Variants in LOC128125817 observed in about 807,000 individuals in gnomAD.
the LOC128125817 span, among the ~76,000 whole-genome samples, chr1:41,602,235 T>C: frequency 6.6e-6 from 1 of 152,318 alleles, no homozygotes; most frequent in Admixed American, 6.5e-5. Flanking sequence ...TTAGCTTTTG[T>C]ATCAGAGTAA....
the LOC128125817 span, among the ~76,000 whole-genome samples, chr1:41,607,723 A>T: frequency 2.6e-5 from 4 of 152,304 alleles, no homozygotes; most frequent in African/African-American, 9.6e-5. Flanking sequence ...GATATGTATT[A>T]GGATACAGGT....
chr1:41,618,307 T>C, the LOC128125817 span, among the ~76,000 whole-genome samples: 1 of 152,134 alleles, frequency 6.6e-6, no homozygotes, highest in Non-Finnish European at 1.5e-5. Context: ...GGAGGTTAAC[T>C]CTCCCCAGGC....
the LOC128125817 span, among the ~76,000 whole-genome samples, chr1:41,603,794 T>C: frequency 1.3e-5 from 2 of 152,266 alleles, no homozygotes; most frequent in South Asian, 4.1e-4. Flanking sequence ...GAATGTGTAT[T>C]CTGCTGCTAT....
chr1:41,625,076 T>C, the LOC128125817 span, among the ~76,000 whole-genome samples: 2 of 134,588 alleles, frequency 1.5e-5, no homozygotes, highest in African/African-American at 5.6e-5. Flanking sequence ...GGCAGGAAAA[T>C]AGCTTGAACC....
chr1:41,593,728 C>T, the LOC128125817 span, among the ~76,000 whole-genome samples: 1 of 152,226 alleles, frequency 6.6e-6, no homozygotes, highest in Non-Finnish European at 1.5e-5. Context: ...TATTTGGTTC[C>T]CATTGCTGCT....
chr1:41,606,223 G>T, the LOC128125817 span, among the ~76,000 whole-genome samples: 2 of 151,790 alleles, frequency 1.3e-5, no homozygotes, highest in Non-Finnish European at 2.9e-5. Context: ...TCTGGCAGTT[G>T]CTTTTAGCAT....
chr1:41,601,572 C>T, the LOC128125817 span, among the ~76,000 whole-genome samples: 1 of 152,070 alleles, frequency 6.6e-6, no homozygotes, highest in African/African-American at 2.4e-5. Context: ...TATAGAAATG[C>T]CACTGATTTT....
At chr1:41,600,988 T>C in the LOC128125817 span, among the ~76,000 whole-genome samples, 1 of 152,198 alleles carries the variant, frequency 6.6e-6, no homozygotes, top group Admixed American at 6.5e-5. Flanking sequence ...TATCCAGTTT[T>C]CCCAGCACCA....
At chr1:41,609,851 G>C in the LOC128125817 span, among the ~76,000 whole-genome samples, 3 of 152,250 alleles carry the variant, frequency 2.0e-5, no homozygotes, top group Non-Finnish European at 4.4e-5. Flanking sequence ...CTATGCCATA[G>C]GCCAAGACGC....
chr1:41,586,844 A>G, the LOC128125817 span, among the ~76,000 whole-genome samples: 1 of 152,324 alleles, frequency 6.6e-6, no homozygotes, highest in East Asian at 1.9e-4. Flanking sequence ...CAAAGTAACT[A>G]TAACAAAACC....
the LOC128125817 span, among the ~76,000 whole-genome samples, chr1:41,605,708 C>T: frequency 6.6e-6 from 1 of 151,812 alleles, no homozygotes. Context: ...AACAGGATCT[C>T]ACCGAGCAGA....
chr1:41,606,796 C>T, the LOC128125817 span, among the ~76,000 whole-genome samples: 2 of 151,800 alleles, frequency 1.3e-5, no homozygotes, highest in Non-Finnish European at 2.9e-5. Flanking sequence ...AAGTACTCCA[C>T]TGTACTGGAG....
At chr1:41,593,905 A>C in the LOC128125817 span, among the ~76,000 whole-genome samples, 1 of 152,146 alleles carries the variant, frequency 6.6e-6, no homozygotes, top group East Asian at 1.9e-4. Context: ...GCCTTTCCCA[A>C]CTTCTAGAGG....
chr1:41,628,232 C>A, the LOC128125817 span, among the ~76,000 whole-genome samples: 1 of 152,156 alleles, frequency 6.6e-6, no homozygotes, highest in Non-Finnish European at 1.5e-5. Flanking sequence ...TTCTTCACAA[C>A]TTGGGGGCAG....
At chr1:41,590,213 G>C in the LOC128125817 span, among the ~76,000 whole-genome samples, 1 of 152,228 alleles carries the variant, frequency 6.6e-6, no homozygotes, top group South Asian at 2.1e-4. Context: ...GTCACAGAAG[G>C]ATGTCTGGGC....
chr1:41,610,123 C>T, the LOC128125817 span, among the ~76,000 whole-genome samples: 1 of 152,212 alleles, frequency 6.6e-6, no homozygotes, highest in Non-Finnish European at 1.5e-5. Flanking sequence ...CTTGAAAAGC[C>T]TCCACAACTG....
At chr1:41,616,617 A>G in the LOC128125817 span, among the ~76,000 whole-genome samples, 64 of 87,706 alleles carry the variant, frequency 7.3e-4, no homozygotes, top group Admixed American at 1.0e-3. Context: ...GAAGATGGGG[A>G]GCCTTTTTTT....
At chr1:41,591,978 A>C in the LOC128125817 span, among the ~76,000 whole-genome samples, 1 of 152,068 alleles carries the variant, frequency 6.6e-6, no homozygotes, top group Admixed American at 6.5e-5. Context: ...CCTCCTGAAG[A>C]GCAGGTGCTG....
At chr1:41,626,291 C>T in the LOC128125817 span, among the ~76,000 whole-genome samples, 1 of 152,222 alleles carries the variant, frequency 6.6e-6, no homozygotes, top group Non-Finnish European at 1.5e-5. Context: ...CAGCAGTGGC[C>T]GTGATCACCT....
Sources: allele counts gnomAD v4.1 joint callset (sites outside exome capture counted in the v4.1 genomes callset), GRCh38; gene constraint gnomAD v4.1.1; transcripts MANE v1.5.